Variants in SMIM10L3 observed in about 807,000 individuals in gnomAD.
SMIM10L3 encodes the protein small integral membrane protein 10 like 3, also known as salivary gland specific protein SAGSIN1.
At chr7:6,345,440 T>G in the SMIM10L3 span, among the ~76,000 whole-genome samples, 6 of 152,240 alleles carry the variant, frequency 3.9e-5, no homozygotes, top group Admixed American at 2.6e-4. Context: ...TTTTTAGAAG[T>G]TGCCTCTGAT....
chr7:6,339,909 G>C, the SMIM10L3 span, among the ~76,000 whole-genome samples: 4 of 151,678 alleles, frequency 2.6e-5, no homozygotes, highest in African/African-American at 9.7e-5. Flanking sequence ...CAGGGAGCAT[G>C]AGTCTCACTC....
At chr7:6,332,641 T>G in the SMIM10L3 span, among the ~76,000 whole-genome samples, 1 of 152,052 alleles carries the variant, frequency 6.6e-6, no homozygotes, top group East Asian at 1.9e-4. Context: ...GAGGTCACAG[T>G]GAGCTGAGAT....
At chr7:6,334,235 T>C in the SMIM10L3 span, among the ~76,000 whole-genome samples, 2 of 151,424 alleles carry the variant, frequency 1.3e-5, no homozygotes, top group African/African-American at 4.8e-5. Context: ...GCTAAAGTAT[T>C]TTTTTAAAGT....
chr7:6,348,908 G>A, the SMIM10L3 span: 3 of 385,426 alleles, frequency 7.8e-6, no homozygotes, highest in South Asian at 1.4e-4. Flanking sequence ...GAGTCCGCAC[G>A]TCACGCTCGG....
At chr7:6,338,448 A>G in the SMIM10L3 span, among the ~76,000 whole-genome samples, 1 of 152,174 alleles carries the variant, frequency 6.6e-6, no homozygotes, top group Non-Finnish European at 1.5e-5. Flanking sequence ...TGATGGAAGG[A>G]GTCTTCAAGA....
chr7:6,338,033 A>C, the SMIM10L3 span, among the ~76,000 whole-genome samples: 57 of 152,108 alleles, frequency 3.7e-4, no homozygotes, highest in Non-Finnish European at 6.2e-4. Context: ...CGAACTCCTG[A>C]CCTCAGGTGA....
At chr7:6,329,964 G>A in the SMIM10L3 span, 1 of 178,418 alleles carries the variant, frequency 5.6e-6, no homozygotes, top group Admixed American at 5.9e-5. Flanking sequence ...AAGATTTAAC[G>A]CCAAGTACAG....
chr7:6,336,821 A>AT, the SMIM10L3 span, among the ~76,000 whole-genome samples: 3 of 151,820 alleles, frequency 2.0e-5, no homozygotes, highest in Non-Finnish European at 4.4e-5. Flanking sequence ...CATCCAGCTA[A>AT]TTTTTTGTAT....
chr7:6,343,578 A>G, the SMIM10L3 span, among the ~76,000 whole-genome samples: 1 of 151,720 alleles, frequency 6.6e-6, no homozygotes. Flanking sequence ...AGTATTTGGT[A>G]TTGATTCCAT....
the SMIM10L3 span, chr7:6,348,624 G>A: frequency 1.8e-5 from 9 of 496,774 alleles, no homozygotes; most frequent in Middle Eastern, 5.1e-4. Context: ...GGTAGGGGAA[G>A]TTGATACGCA....
At chr7:6,348,563 G>A in the SMIM10L3 span, 1 of 435,396 alleles carries the variant, frequency 2.3e-6, no homozygotes, top group Non-Finnish European at 4.1e-6. Flanking sequence ...GGCAGGCACG[G>A]CTCACCCACC....
At chr7:6,343,237 C>T in the SMIM10L3 span, among the ~76,000 whole-genome samples, 1 of 150,314 alleles carries the variant, frequency 6.7e-6, no homozygotes, top group African/African-American at 2.4e-5. Flanking sequence ...ATTAGCTGGG[C>T]GTGGTACCAG....
At chr7:6,333,834 T>C in the SMIM10L3 span, among the ~76,000 whole-genome samples, 6 of 146,272 alleles carry the variant, frequency 4.1e-5, no homozygotes, top group South Asian at 2.2e-4. Flanking sequence ...CTCGAACTCC[T>C]GGCCTCTTTT....
At chr7:6,336,460 C>T in the SMIM10L3 span, among the ~76,000 whole-genome samples, 1 of 152,048 alleles carries the variant, frequency 6.6e-6, no homozygotes, top group Non-Finnish European at 1.5e-5. Context: ...GCAGGCAGAT[C>T]TCTTGAGGTC....
chr7:6,332,501 CATG>C, the SMIM10L3 span, among the ~76,000 whole-genome samples: 1 of 152,196 alleles, frequency 6.6e-6, no homozygotes, highest in South Asian at 2.1e-4. Context: ...AATTTTGACA[CATG>C]ATGTGTTCAC....
At chr7:6,335,013 C>T in the SMIM10L3 span, among the ~76,000 whole-genome samples, 2 of 151,482 alleles carry the variant, frequency 1.3e-5, no homozygotes, top group Admixed American at 6.6e-5. Flanking sequence ...GTGATCCACC[C>T]GCCTTGGCCT....
At chr7:6,335,977 A>T in the SMIM10L3 span, among the ~76,000 whole-genome samples, 1,755 of 152,180 alleles carry the variant, frequency 0.012, 35 homozygotes, top group African/African-American at 0.041. Flanking sequence ...GTTCGAGATC[A>T]GCCTGGTCTA....
the SMIM10L3 span, among the ~76,000 whole-genome samples, chr7:6,337,855 G>A: frequency 2.0e-5 from 3 of 151,428 alleles, no homozygotes; most frequent in Admixed American, 2.0e-4. Context: ...CCAGGCTGGA[G>A]TGCAGTGGTG....
the SMIM10L3 span, among the ~76,000 whole-genome samples, chr7:6,347,046 G>A: frequency 1.3e-5 from 2 of 152,162 alleles, no homozygotes; most frequent in African/African-American, 4.8e-5. Context: ...GTCATCTGAG[G>A]CTGGGCTCAC....
Sources: gnomAD v4.1 joint callset for allele counts (sites outside exome capture counted in the v4.1 genomes callset) on GRCh38, gnomAD v4.1.1 for gene constraint, MANE v1.5 for transcripts, NCBI Gene and HGNC (gene_info 2026-07-23, HGNC 2026-07-21) for gene names.